The following ZNF827 variants were observed in gnomAD, a reference collection of about 807,000 sequenced individuals.
ZNF827 encodes the protein zinc finger protein 827.
ZNF827 carries 13 observed loss-of-function variants against 102.4 expected under a neutral mutation model. The observed-to-expected ratio is 0.13, with a 90% CI of 0.08 to 0.20. ZNF827 has a LOEUF of 0.20. Among genes scored for constraint, ZNF827 ranks in the 10% least tolerant of loss-of-function variants. The probability of loss-of-function intolerance (pLI) is 1.00; values close to 1 mark genes in which losing one functional copy is unlikely to be tolerated. For missense variants in ZNF827, 1,103 were observed against 1,344.4 expected (o/e 0.82, Z 2.81); for synonymous variants, 523 against 536.2 (o/e 0.98, Z 0.34).
At chr4:145,874,489 G>C (rs1748985336) in intron 4 of ZNF827, among the ~76,000 whole-genome samples, 1 of 152,068 alleles carries the variant, frequency 6.6e-6, no homozygotes, top group Admixed American at 6.6e-5. Context: ...TATTTACATT[G>C]AGAACAGTAC....
At chr4:145,926,758 T>C (rs1753458840) in intron 1 of ZNF827, among the ~76,000 whole-genome samples, 1 of 152,132 alleles carries the variant, frequency 6.6e-6, no homozygotes, top group Admixed American at 6.6e-5. Flanking sequence ...AATATTTGTG[T>C]TTTCTATGGT....
chr4:145,874,487 T>C (rs976131126), intron 4 of ZNF827, among the ~76,000 whole-genome samples: 4 of 152,192 alleles, frequency 2.6e-5, no homozygotes, highest in African/African-American at 9.7e-5. Context: ...AATATTTACA[T>C]TGAGAACAGT....
intron 7 of ZNF827, chr4:145,830,607 T>C (rs995659264): frequency 6.6e-6 from 1 of 152,202 alleles, no homozygotes; most frequent in African/African-American, 2.4e-5. Flanking sequence ...TTTTATTAAT[T>C]TATTTGCTAA....
intron 1 of ZNF827, among the ~76,000 whole-genome samples, chr4:145,935,664 ATTT>A (rs1754108933): frequency 6.6e-6 from 1 of 152,076 alleles, no homozygotes; most frequent in Non-Finnish European, 1.5e-5. Flanking sequence ...GGGAGGTGAT[ATTT>A]TTTTAAGTGA....
At chr4:145,837,492 A>C (rs1272031537) in intron 7 of ZNF827, among the ~76,000 whole-genome samples, 1 of 151,916 alleles carries the variant, frequency 6.6e-6, no homozygotes, top group African/African-American at 2.4e-5. Context: ...AAAACTTGTC[A>C]TCCCTACTAT....
chr4:145,903,670 C>T (rs539861340), intron 1 of ZNF827, among the ~76,000 whole-genome samples: 11 of 152,262 alleles, frequency 7.2e-5, no homozygotes, highest in South Asian at 4.2e-4. Flanking sequence ...TTTCTAACTC[C>T]GTGACTCTAG....
intron 1 of ZNF827, among the ~76,000 whole-genome samples, chr4:145,914,137 T>C (rs1422882498): frequency 6.6e-6 from 1 of 151,948 alleles, no homozygotes; most frequent in Admixed American, 6.6e-5. Flanking sequence ...ATTATAGTCA[T>C]CATCATTCTG....
chr4:145,896,841 A>G (rs950805497), intron 2 of ZNF827, among the ~76,000 whole-genome samples: 8 of 152,232 alleles, frequency 5.3e-5, no homozygotes, highest in African/African-American at 2.4e-5. Context: ...GTACAGAGAT[A>G]TATGTTGAAC....
chr4:145,786,374 C>T (rs1738867621), intron 8 of ZNF827, among the ~76,000 whole-genome samples: 1 of 152,176 alleles, frequency 6.6e-6, no homozygotes, highest in Admixed American at 6.5e-5. Flanking sequence ...CAGCTGTAAG[C>T]AAAAGATTGG....
chr4:145,914,943 C>G (rs1454326308), intron 1 of ZNF827, among the ~76,000 whole-genome samples: 6 of 152,172 alleles, frequency 3.9e-5, no homozygotes, highest in Non-Finnish European at 1.5e-5. Flanking sequence ...CAATAAAACT[C>G]GGATGCTTCT....
chr4:145,805,134 T>A (rs1404862058), intron 8 of ZNF827, among the ~76,000 whole-genome samples: 5 of 145,694 alleles, frequency 3.4e-5, no homozygotes, highest in Non-Finnish European at 7.5e-5. Context: ...TTTGTGTGTG[T>A]GTGTGTGTGT....
intron 8 of ZNF827, 116 bp from the exon 9 acceptor site, chr4:145,779,627 CAA>C: frequency 2.2e-6 from 3 of 1,386,860 alleles, no homozygotes; most frequent in South Asian, 2.9e-5. Context: ...CTAGTAATTG[CAA>C]ATGAGTCTCC....
At chr4:145,893,468 C>T (rs1004643663) in intron 2 of ZNF827, among the ~76,000 whole-genome samples, 1 of 152,198 alleles carries the variant, frequency 6.6e-6, no homozygotes, top group African/African-American at 2.4e-5. Flanking sequence ...GCTAGATCTA[C>T]AGACGATGAT....
At chr4:145,896,405 A>T (rs1356560324) in intron 2 of ZNF827, among the ~76,000 whole-genome samples, 1 of 152,172 alleles carries the variant, frequency 6.6e-6, no homozygotes, top group Admixed American at 6.6e-5. Context: ...CTCAGCAGGG[A>T]AAAAAAGAGA....
In ZNF827 at chr4:145,902,380, C is replaced by T; in HGVS notation, c.879G>A (p.Glu293=). 1 of 1,612,504 alleles carries T rather than the reference C, an allele frequency of 6.2e-7. No individual in the cohort carries two copies. The highest frequency in any genetic ancestry group is 8.5e-7 in the Non-Finnish European group (1 of 1,178,962). ...GACTGCCCGCAGCCCTTGCGGCCAC[C>T]TCCTTCAGAAGGGCCGCTGAGGAGG... ...SMTSSAALLK[E]VAARAAGSLL... Residue 293 remains glutamate (E), a synonymous_variant, in exon 2 of 15, where the codon GAG becomes GAA. Transcript: ENST00000508784. The surrounding 1 kb of genome is among the most constrained non-coding windows in gnomAD (Gnocchi z 4.3).
At chr4:145,898,676 C>T (rs185424199) in intron 2 of ZNF827, among the ~76,000 whole-genome samples, 2 of 152,158 alleles carry the variant, frequency 1.3e-5, no homozygotes, top group Non-Finnish European at 2.9e-5. Context: ...AAACCTCCCC[C>T]TCAAGTGTCA....
At chr4:145,843,124 A>G (rs1453477598) in intron 7 of ZNF827, among the ~76,000 whole-genome samples, 1 of 152,006 alleles carries the variant, frequency 6.6e-6, no homozygotes, top group Non-Finnish European at 1.5e-5. Flanking sequence ...ATTTCTTGGC[A>G]TAAAAATTTT....
chr4:145,869,060 G>A (rs1228099105), intron 5 of ZNF827, among the ~76,000 whole-genome samples: 1 of 152,134 alleles, frequency 6.6e-6, no homozygotes, highest in East Asian at 1.9e-4. Flanking sequence ...ATCTGCATAG[G>A]AGGTACTGCA....
Position 145,907,228 on chromosome 4 carries a change from G to A in ZNF827, c.44-4013C>T, listed in dbSNP as rs774204969. The A allele has an allele frequency of 1.0e-4, 46 of 456,206 alleles. No homozygotes were observed. In the Middle Eastern group the frequency reaches 2.1e-3, roughly 20 times the overall value. 28.3% of individuals were successfully genotyped at this position (456,206 alleles called of 1,614,324 possible). On this transcript the variant is annotated intron_variant, in intron 1 of 14. Transcript: ENST00000508784. ...TTTTTCTTCTTTTTTTGCCTGCTGG[G>A]CTCCTCTATTTTCATGTCCAATCTC... is the stretch of plus-strand genomic sequence containing the variant.
Sources: allele counts gnomAD v4.1 joint callset (sites outside exome capture counted in the v4.1 genomes callset), GRCh38; gene constraint gnomAD v4.1.1; non-coding constraint Gnocchi (gnomAD v3.1); transcripts MANE v1.5; gene names NCBI Gene and HGNC (gene_info 2026-07-23, HGNC 2026-07-21).